The following FSCN2 variants were observed in gnomAD, a reference collection of about 807,000 sequenced individuals.
FSCN2 encodes fascin-2.
A neutral mutation model predicts 37.8 loss-of-function variants in FSCN2; 46 were observed. That is an observed-to-expected ratio of 1.22 (90% CI 0.96 to 1.56). The LOEUF (loss-of-function observed/expected upper bound fraction) is 1.56, where lower values mean the gene tolerates loss of function less well. Among genes scored for constraint, FSCN2 ranks in the 40% most tolerant of loss-of-function variants. The pLI is 0.00. For missense variants in FSCN2, 844 were observed against 730.4 expected (o/e 1.16, Z -1.79); for synonymous variants, 351 against 309.4 (o/e 1.13, Z -1.41).
Position 81,528,602 on chromosome 17 carries a change from TG to T in FSCN2, c.72del (p.Thr25GlnfsTer120), listed in dbSNP as rs376633374. 569 of 1,609,000 alleles carry T rather than the reference TG, an allele frequency of 3.5e-4. 3 individuals are homozygous for T. The East Asian group carries it at 0.011, about 32-fold the overall frequency. On this transcript the variant is annotated frameshift_variant, in exon 1 of 5. Transcript: ENST00000417245. LOFTEE classifies it high-confidence loss of function. Reference sequence around the variant, plus strand: ...CTCGTCAACGACACTGACCGCTACCTGACAGCTGAGAGCTTCGGCTTCAAGG... The same window carrying T: ...CTCGTCAACGACACTGACCGCTACCTACAGCTGAGAGCTTCGGCTTCAAGG... ...FGLVNDTDRY[L>X]TAESFGFKVN... is the part of the protein sequence containing the mutation.
the FSCN2 span, among the ~76,000 whole-genome samples, chr17:81,523,198 G>T: frequency 6.6e-6 from 1 of 152,200 alleles, no homozygotes; most frequent in African/African-American, 2.4e-5. Context: ...ACTGCAGTTC[G>T]GGAAGCTGCT....
At chr17:81,535,708 CCATCACCATCCCCATCTCCATTTA>C (rs1397806116) in intron 2 of FSCN2, among the ~76,000 whole-genome samples, 1 of 75,772 alleles carries the variant, frequency 1.3e-5, no homozygotes, top group African/African-American at 5.0e-5. Context: ...GCCATCCCCA[CCATCACCATCCCCATCTCCATTTA>C]CATCCCCATC....
intron 1 of FSCN2, among the ~76,000 whole-genome samples, chr17:81,533,218 C>G (rs2032755020): frequency 6.6e-6 from 1 of 152,186 alleles, no homozygotes; most frequent in Non-Finnish European, 1.5e-5. Flanking sequence ...AGTGAGCACC[C>G]AGGCTTGCAT....
chr17:81,518,831 G>A, the FSCN2 span, among the ~76,000 whole-genome samples: 1 of 152,252 alleles, frequency 6.6e-6, no homozygotes, highest in Admixed American at 6.5e-5. Flanking sequence ...CGCGGAAAAG[G>A]GGAAGCGGGT....
chr17:81,524,893 T>TCACACA (rs138139508), upstream of FSCN2, among the ~76,000 whole-genome samples: 7,719 of 122,738 alleles, frequency 0.063, 420 homozygotes, highest in African/African-American at 0.14. Context: ...ATGAGCACCT[T>TCACACA]CACACACACA....
rs368996304 is a variant in FSCN2 at position 81,528,595 on chromosome 17, C to A, written c.64C>A (p.Arg22Ser). The change falls in exon 1 of 5, where the codon CGC (arginine) becomes AGC (serine). Residue 22 changes from arginine (R) to serine (S), a missense_variant. By Grantham distance (110) the Arg-to-Ser change is moderately radical. Coordinates refer to ENST00000417245, the MANE Select transcript of FSCN2 (RefSeq NM_012418.4). ...GTTTGGCCTCGTCAACGACACTGAC[C>A]GCTACCTGACAGCTGAGAGCTTCGG... is the stretch of plus-strand genomic sequence containing the variant. ...IQFGLVNDTD[R>S]YLTAESFGFK... 3 of 1,608,950 alleles carry A rather than the reference C, an allele frequency of 1.9e-6. No individual in the cohort carries two copies. Among genetic ancestry groups the A allele is most frequent in the Non-Finnish European group, 2.5e-6 (3 of 1,178,154 alleles).
intron 1 of FSCN2, among the ~76,000 whole-genome samples, chr17:81,531,390 GTGA>G (rs1555671291): frequency 2.7e-4 from 30 of 109,890 alleles, no homozygotes; most frequent in African/African-American, 7.8e-4. Context: ...GGTGGTGATG[GTGA>G]TGATGGTGAT....
intron 1 of FSCN2, 165 bp downstream of exon 1, chr17:81,529,522 G>T: frequency 1.3e-6 from 1 of 788,208 alleles, no homozygotes; most frequent in Non-Finnish European, 2.2e-6. Flanking sequence ...CAGGGTGTAG[G>T]TGGGTGGGCC....
the FSCN2 span, among the ~76,000 whole-genome samples, chr17:81,522,832 C>T: frequency 6.6e-6 from 1 of 152,192 alleles, no homozygotes; most frequent in African/African-American, 2.4e-5. Context: ...CACTCTAAGC[C>T]CCAAGCAGCC....
chr17:81,524,044 G>T (rs926010735), upstream of FSCN2, among the ~76,000 whole-genome samples: 2 of 152,186 alleles, frequency 1.3e-5, no homozygotes, highest in Admixed American at 1.3e-4. Context: ...CACCAGACGG[G>T]CCAACTCGGG....
At chr17:81,534,212 G>A (rs1471823339) in intron 1 of FSCN2, among the ~76,000 whole-genome samples, 2 of 152,148 alleles carry the variant, frequency 1.3e-5, no homozygotes, top group Admixed American at 1.3e-4. Context: ...CATGGTCACA[G>A]CCTGGCATCC....
In FSCN2 at chr17:81,529,023, C is replaced by G; in HGVS notation, c.492C>G (p.Asp164Glu). 1 of 1,586,930 alleles carries G rather than the reference C, an allele frequency of 6.3e-7. No homozygotes were observed. The highest frequency in any genetic ancestry group is 2.3e-5 in the East Asian group (1 of 43,690). ...CGCGGGAGGACGAGATGGCCGCAGA[C>G]GGAGACAAGCCCTGGGGCGTGGACG... Reference protein sequence around the residue: ...LCPREDEMAADGDKPWGVDAL... With the variant: ...LCPREDEMAAEGDKPWGVDAL... The change falls in exon 1 of 5, where the codon GAC (aspartate) becomes GAG (glutamate). Residue 164 changes from aspartate (D) to glutamate (E), a missense_variant. Transcript: ENST00000417245.
upstream of FSCN2, among the ~76,000 whole-genome samples, chr17:81,526,290 C>T (rs1555670093): frequency 6.6e-6 from 1 of 152,188 alleles, no homozygotes; most frequent in East Asian, 1.9e-4. Context: ...CACAGCTGCC[C>T]CTCCGGCTTC....
intron 2 of FSCN2, 53 bp downstream of exon 2, chr17:81,535,261 T>G: frequency 7.8e-7 from 1 of 1,290,306 alleles, no homozygotes; most frequent in Non-Finnish European, 1.1e-6. Context: ...ACCATCACCA[T>G]CCCCATCATC....
intron 1 of FSCN2, among the ~76,000 whole-genome samples, chr17:81,531,450 GTGGTGA>G (rs2032588246): frequency 1.8e-5 from 2 of 112,758 alleles, no homozygotes; most frequent in Admixed American, 9.0e-5. Context: ...GGTGATGGTG[GTGGTGA>G]TGGTGATGAT....
chr17:81,523,085 A>C, the FSCN2 span, among the ~76,000 whole-genome samples: 10 of 152,260 alleles, frequency 6.6e-5, no homozygotes, highest in South Asian at 2.1e-3. Context: ...GCCCCCCACC[A>C]GCACCTTATG....
At chr17:81,536,372 C>T (rs1475318851) in intron 3 of FSCN2, 105 bp downstream of exon 3, 6 of 1,474,118 alleles carry the variant, frequency 4.1e-6, no homozygotes, top group African/African-American at 1.4e-5. Flanking sequence ...CTCCCCAGCC[C>T]ACGGAACGGG....
chr17:81,531,285 GTGATGGTGGTGA>G (rs2032556932), intron 1 of FSCN2, among the ~76,000 whole-genome samples: 1 of 66,034 alleles, frequency 1.5e-5, no homozygotes, highest in African/African-American at 7.1e-5. Flanking sequence ...GGTGGTGATG[GTGATGGTGGTGA>G]TGGTGATGGT....
chr17:81,520,230 G>A, the FSCN2 span, among the ~76,000 whole-genome samples: 2 of 152,128 alleles, frequency 1.3e-5, no homozygotes, highest in Non-Finnish European at 2.9e-5. Context: ...GGGGCCGTGG[G>A]GACACAGGAA....
Sources: gnomAD v4.1 joint callset for allele counts (sites outside exome capture counted in the v4.1 genomes callset) on GRCh38, gnomAD v4.1.1 for gene constraint, MANE v1.5 for transcripts, NCBI Gene and HGNC (gene_info 2026-07-23, HGNC 2026-07-21) for gene names.